NEK4: variants seen among roughly 807,000 people sequenced by gnomAD.
The protein encoded by NEK4 is serine/threonine-protein kinase Nek4.
In NEK4, 86 loss-of-function variants were observed where a neutral mutation model predicts 98.4. That is an observed-to-expected ratio of 0.87 (90% CI 0.73 to 1.05). The LOEUF (loss-of-function observed/expected upper bound fraction) is 1.05, where lower values mean the gene tolerates loss of function less well. Ranked by LOEUF, NEK4 falls within the 50% of genes least tolerant of loss-of-function variation. The probability of loss-of-function intolerance (pLI) is 0.00; values close to 1 mark genes in which losing one functional copy is unlikely to be tolerated. For missense variants in NEK4, 898 were observed against 950.3 expected, an observed-to-expected ratio of 0.94 and a Z score of 0.72; for synonymous variants, 328 against 342.2, an observed-to-expected ratio of 0.96 and a Z score of 0.46.
chr3:52,728,739 G>C (rs1331051075), intron 15 of NEK4, among the ~76,000 whole-genome samples: 1 of 152,150 alleles, frequency 6.6e-6, no homozygotes, highest in Non-Finnish European at 1.5e-5. Flanking sequence ...AGACATGCAA[G>C]TAGGGAAGAT....
At chr3:52,729,062 C>T in intron 15 of NEK4, among the ~76,000 whole-genome samples, 1 of 152,108 alleles carries the variant, frequency 6.6e-6, no homozygotes, top group South Asian at 2.1e-4. Flanking sequence ...TCTGATTTTG[C>T]CTTTGTCCTG....
At position 52,770,719 on chromosome 3, in the gene NEK4, G is replaced by A; in HGVS notation, c.28C>T (p.Arg10Trp). MPLAAYCYL[R>W]VVGKGSYGEV... ...CCATAGCTCCCCTTGCCCACGACCC[G>A]CAGGTAGCAGTAGGCGGCCAGGGGC... Residue 10 changes from arginine (R) to tryptophan (W), a missense_variant, in exon 1 of 16, where the codon CGG (arginine) becomes TGG (tryptophan). Arg to Trp is a moderately radical substitution (Grantham distance 101). Coordinates refer to ENST00000233027, the MANE Select transcript of NEK4 (RefSeq NM_003157.6). 3.2e-6 allele frequency: 5 copies of A among 1,575,618 alleles called. No homozygotes were observed. Among genetic ancestry groups the A allele is most frequent in the South Asian group, 1.2e-5 (1 of 85,982 alleles).
At position 52,752,038 on chromosome 3, in the gene NEK4, G is replaced by A. The variant is rs138123331; in HGVS notation, c.1262C>T (p.Pro421Leu). Residue 421 changes from proline (P) to leucine (L), a missense_variant, in exon 7 of 16, where the codon CCT becomes CTT. Coordinates refer to ENST00000233027, the MANE Select transcript of NEK4 (RefSeq NM_003157.6). The part of the protein sequence containing the change: ...LQDNTKSSAQ[P>L]ENLIPMWSSD... Reference sequence around the variant, plus strand: ...GGACCACATGGGAATCAGGTTTTCAGGCTGGGCACTGGATTTAGTGTTGTC... The same window carrying A: ...GGACCACATGGGAATCAGGTTTTCAAGCTGGGCACTGGATTTAGTGTTGTC... The A allele has an allele frequency of 1.3e-4, 204 of 1,614,228 alleles. No homozygotes were observed. The African/African-American group carries it at 2.0e-3, about 16-fold the overall frequency.
chr3:52,763,666 G>A (rs1698442035), intron 4 of NEK4, 42 bp from the exon 5 acceptor site: 2 of 1,431,238 alleles, frequency 1.4e-6, no homozygotes, highest in African/African-American at 1.4e-5. Context: ...TAATGGTCTT[G>A]TGAAACAAAG....
rs2097350340 is a variant in NEK4 at position 52,711,494 on chromosome 3, A to G, written c.*283T>C. ...GTACCTTAAAAAAATAAAATTCTAA[A>G]TATAAACTTGGTGGATTAAGGCTCA... On this transcript the variant is annotated 3_prime_UTR_variant, in exon 16 of 16. Coordinates refer to ENST00000233027, the MANE Select transcript of NEK4 (RefSeq NM_003157.6). The G allele has an allele frequency of 4.1e-6, 1 of 245,346 alleles. No homozygotes were observed. The highest frequency in any genetic ancestry group is 5.5e-5 in the Admixed American group (1 of 18,300). 15.2% of individuals were successfully genotyped at this position (245,346 alleles called of 1,614,324 possible).
chr3:52,711,949 TA>T, intron 15 of NEK4, 80 bp from the exon 16 acceptor site: 1 of 744,918 alleles, frequency 1.3e-6, no homozygotes, highest in Non-Finnish European at 2.3e-6. Context: ...AGGGCTTTTC[TA>T]AGCATGGTAT....
intron 4 of NEK4, among the ~76,000 whole-genome samples, chr3:52,765,143 G>C (rs756899179): frequency 1.4e-4 from 22 of 152,056 alleles, no homozygotes; most frequent in Non-Finnish European, 3.1e-4. Context: ...CTGAGGTAAG[G>C]AGTTCGAGAC....
rs766166059 is a variant in NEK4 at position 52,746,158 on chromosome 3, A to G, written c.1730T>C (p.Val577Ala). The G allele has an allele frequency of 3.7e-6, 6 of 1,613,956 alleles. No homozygotes were observed. Residue 577 changes from valine to alanine, a missense_variant, in exon 10 of 16, where the codon GTG (valine) becomes GCG (alanine). Physicochemically the swap from Val to Ala is moderately conservative, Grantham distance 64 (BLOSUM62 0). Coordinates refer to ENST00000233027, the MANE Select transcript of NEK4 (RefSeq NM_003157.6). ...FLPSHPIVGKVDVTSTQKEAE... is the reference protein window; with the variant it reads ...FLPSHPIVGKADVTSTQKEAE... ...CTCTTTTTGTGTTGATGTGACATCC[A>G]CTTTCCCAACAATGGGATGAGAAGG...
At chr3:52,757,094 A>G (rs2154105879) in intron 6 of NEK4, among the ~76,000 whole-genome samples, 1 of 152,362 alleles carries the variant, frequency 6.6e-6, no homozygotes, top group African/African-American at 2.4e-5. Context: ...AAAATCCCAG[A>G]AAATAACAAG....
At chr3:52,734,637 A>T (rs545131099) in intron 15 of NEK4, 1 of 152,172 alleles carries the variant, frequency 6.6e-6, no homozygotes, top group South Asian at 1.8e-4. Context: ...ACTGCACCCC[A>T]GCCTGGGTGA....
chr3:52,718,232 G>A (rs2097356953), intron 15 of NEK4, among the ~76,000 whole-genome samples: 1 of 151,686 alleles, frequency 6.6e-6, no homozygotes, highest in Admixed American at 6.6e-5. Flanking sequence ...GCACTCTCTG[G>A]GAGGCCGAGG....
intron 12 of NEK4, among the ~76,000 whole-genome samples, chr3:52,742,354 A>G (rs1372456334): frequency 6.6e-6 from 1 of 152,022 alleles, no homozygotes; most frequent in Admixed American, 6.6e-5. Flanking sequence ...AACACCCACA[A>G]GCCACCATGC....
rs71087016 is a variant in NEK4, at chr3:52,752,900, C to CA, written c.964-565dup. On this transcript the variant is annotated intron_variant, in intron 6 of 15. Coordinates refer to ENST00000233027, the MANE Select transcript of NEK4 (RefSeq NM_003157.6). Reference sequence around the variant, plus strand: ...GGGCAACAGGAGTGAAACCCTGCCTCAAAAAAAAAAAAAAAAAATATATAT... The same window carrying CA: ...GGGCAACAGGAGTGAAACCCTGCCTCAAAAAAAAAAAAAAAAAAATATATAT... Among the ~76,000 whole-genome samples, 167 of 49,686 alleles carry CA rather than the reference C, an allele frequency of 3.4e-3. 4 individuals carry two copies. The highest frequency in any genetic ancestry group is 0.029 in the Middle Eastern group (2 of 68). 32.6% of individuals were successfully genotyped at this position (49,686 alleles called of 152,430 possible).
intron 15 of NEK4, among the ~76,000 whole-genome samples, chr3:52,736,203 T>C (rs577450134): frequency 2.0e-5 from 3 of 152,370 alleles, no homozygotes; most frequent in African/African-American, 4.8e-5. Flanking sequence ...GTGGTTCTTA[T>C]GTATTTTTGG....
At chr3:52,727,957 G>A (rs1445159570) in intron 15 of NEK4, among the ~76,000 whole-genome samples, 1 of 152,180 alleles carries the variant, frequency 6.6e-6, no homozygotes, top group Non-Finnish European at 1.5e-5. Flanking sequence ...CTTGGGCTGG[G>A]CACAATGGCC....
At chr3:52,764,758 G>A (rs577232997) in intron 4 of NEK4, among the ~76,000 whole-genome samples, 12 of 137,084 alleles carry the variant, frequency 8.8e-5, no homozygotes, top group South Asian at 4.6e-4. Context: ...GTGCGCGTGC[G>A]CATGCACACA....
rs746189159 is a variant in NEK4, at chr3:52,766,192, GTTTGT to G, written c.539_543del (p.Asn180ThrfsTer5). On this transcript the variant is annotated frameshift_variant, in exon 3 of 16. Coordinates refer to ENST00000233027, the MANE Select transcript of NEK4 (RefSeq NM_003157.6). LOFTEE classifies it high-confidence loss of function. ...CCCAATCCTACCTTATAGTTGTAGG[GTTTGT>G]TTGAGAACAATTCAGGGCTCATGTA... The G allele has an allele frequency of 2.1e-5, 34 of 1,613,896 alleles. No homozygotes were observed. Among genetic ancestry groups the G allele is most frequent in the Non-Finnish European group, 2.8e-5 (33 of 1,179,920 alleles).
chr3:52,753,476 G>T (rs566702758), intron 6 of NEK4: 5 of 396,404 alleles, frequency 1.3e-5, no homozygotes, highest in Non-Finnish European at 2.5e-5. Flanking sequence ...TGCTGAGGAC[G>T]GAAGAGTCTG....
At chr3:52,715,415 C>G (rs1260957917) in intron 15 of NEK4, among the ~76,000 whole-genome samples, 1 of 152,148 alleles carries the variant, frequency 6.6e-6, no homozygotes, top group African/African-American at 2.4e-5. Context: ...GAGACGGAGC[C>G]TTGCTCTGTC....
Sources: gnomAD v4.1 joint callset for allele counts (sites outside exome capture counted in the v4.1 genomes callset) on GRCh38, gnomAD v4.1.1 for gene constraint, MANE v1.5 for transcripts, NCBI Gene and HGNC (gene_info 2026-07-23, HGNC 2026-07-21) for gene names.